Variants in SULT2B1 observed in about 807,000 individuals in gnomAD.
The protein encoded by SULT2B1 is sulfotransferase 2B1.
SULT2B1 carries 16 observed loss-of-function variants against 33.2 expected under a neutral mutation model. That is an observed-to-expected ratio of 0.48 (90% CI 0.33 to 0.73). SULT2B1 has a LOEUF of 0.73. SULT2B1 is among the 30% of genes least tolerant of loss of function. The probability of loss-of-function intolerance (pLI) is 0.02; values close to 1 mark genes in which losing one functional copy is unlikely to be tolerated. For synonymous variants in SULT2B1, 186 were observed against 200.5 expected, an observed-to-expected ratio of 0.93 and a Z score of 0.61; for missense variants, 500 against 506.0, an observed-to-expected ratio of 0.99 and a Z score of 0.11.
At chr19:48,575,908 C>G in intron 1 of SULT2B1, 33 bp from the exon 2 acceptor site, 1 of 1,595,884 alleles carries the variant, frequency 6.3e-7, no homozygotes, top group Non-Finnish European at 8.6e-7. Context: ...CCTCCCTACT[C>G]TCCCTCATGG....
At chr19:48,586,998 T>C (rs1032540615) in intron 2 of SULT2B1, among the ~76,000 whole-genome samples, 5 of 151,894 alleles carry the variant, frequency 3.3e-5, no homozygotes, top group African/African-American at 1.2e-4. Context: ...TAATGCTAGC[T>C]ACTCGGCTGA....
At chr19:48,582,120 G>T (rs1973499115) in intron 2 of SULT2B1, among the ~76,000 whole-genome samples, 1 of 151,042 alleles carries the variant, frequency 6.6e-6, no homozygotes, top group South Asian at 2.1e-4. Flanking sequence ...GGCCAGGCTG[G>T]TCTCGAACCC....
intron 5 of SULT2B1, among the ~76,000 whole-genome samples, chr19:48,594,581 A>C (rs895845610): frequency 6.6e-6 from 1 of 152,144 alleles, no homozygotes; most frequent in African/African-American, 2.4e-5. Context: ...GGCGCCGCCC[A>C]CATGTTAGAA....
At chr19:48,576,359 C>CTTTTCTTTTCTTTTTTTTTTTTTTT in intron 2 of SULT2B1, among the ~76,000 whole-genome samples, 1 of 96,716 alleles carries the variant, frequency 1.0e-5, no homozygotes, top group African/African-American at 4.3e-5. Context: ...CTCTACTTCT[C>CTTTTCTTTTCTTTTTTTTTTTTTTT]TTTTTTTTTT....
rs1480344294 is a variant in SULT2B1 at position 48,591,688 on chromosome 19, A to C, written c.503A>C (p.Asp168Ala). Reference protein sequence around the residue: ...HYSKIAGQLKDPGTPDQFLRD... With the variant: ...HYSKIAGQLKAPGTPDQFLRD... ...TCCAAGATCGCCGGGCAGTTAAAGGACCCGGGCACACCCGACCAGTTCCTG... is the reference window on the plus strand; with the variant it reads ...TCCAAGATCGCCGGGCAGTTAAAGGCCCCGGGCACACCCGACCAGTTCCTG... The change falls in exon 4 of 7, where the codon GAC becomes GCC. Residue 168 changes from aspartate (D) to alanine (A), a missense_variant. Transcript: ENST00000201586. The C allele has an allele frequency of 1.2e-6, 2 of 1,611,022 alleles. No homozygotes were observed. Among genetic ancestry groups the C allele is most frequent in the South Asian group, 1.1e-5 (1 of 90,736 alleles).
chr19:48,583,079 A>C lies in SULT2B1; in HGVS notation c.215-4150A>C, dbSNP rs949190250. Among the ~76,000 whole-genome samples, 14 of 148,794 alleles carry C rather than the reference A, an allele frequency of 9.4e-5. 1 individual carries two copies. Among genetic ancestry groups the C allele is most frequent in the Admixed American group, 3.3e-4 (5 of 15,022 alleles). The stretch of plus-strand genomic sequence containing the variant: ...GGCAGGAGAATCGCTTGAACCCTGG[A>C]GGTGGAGGTTGCAGTGAGCCGAGAT... On this transcript the variant is annotated intron_variant, in intron 2 of 6. Coordinates refer to ENST00000201586, the MANE Select transcript of SULT2B1 (RefSeq NM_177973.2).
At chr19:48,594,796 A>G (rs1230125894) in intron 5 of SULT2B1, among the ~76,000 whole-genome samples, 4 of 152,208 alleles carry the variant, frequency 2.6e-5, no homozygotes, top group African/African-American at 9.7e-5. Context: ...AGGCAGGCAG[A>G]TCACTTGAGG....
chr19:48,556,179 G>A (rs541922807), intron 1 of SULT2B1, among the ~76,000 whole-genome samples: 22 of 152,272 alleles, frequency 1.4e-4, no homozygotes, highest in African/African-American at 5.3e-4. Context: ...GATTCAACAC[G>A]GGCAATTTAG....
intron 5 of SULT2B1, among the ~76,000 whole-genome samples, chr19:48,593,408 C>T (rs570455990): frequency 2.4e-4 from 37 of 151,628 alleles, no homozygotes; most frequent in African/African-American, 8.5e-4. Flanking sequence ...AAAAATTAGC[C>T]GGGCACAGTG....
At position 48,587,093 on chromosome 19, in the gene SULT2B1, C is replaced by T. The variant is rs1973571562; in HGVS notation, c.215-136C>T. On this transcript the variant is annotated intron_variant, in intron 2 of 6. Coordinates refer to ENST00000201586, the MANE Select transcript of SULT2B1 (RefSeq NM_177973.2). Reference sequence around the variant, plus strand: ...CGCCATTGCACTCCAGCGTGGGCAACAGAGTAAGACTCTGTCTTAAAAAAA... The same window carrying T: ...CGCCATTGCACTCCAGCGTGGGCAATAGAGTAAGACTCTGTCTTAAAAAAA... The T allele has an allele frequency of 4.7e-6, 3 of 633,254 alleles. 1 individual carries two copies. The allele number at this position is 633,254 out of a possible 1,614,324, so 39.2% of individuals were successfully genotyped here.
At chr19:48,573,813 C>T (rs899472878) in intron 1 of SULT2B1, among the ~76,000 whole-genome samples, 2 of 152,102 alleles carry the variant, frequency 1.3e-5, no homozygotes, top group African/African-American at 4.8e-5. Context: ...GCAATGGAAG[C>T]TACAGCGGAG....
At chr19:48,568,769 G>A (rs942495517) in intron 1 of SULT2B1, among the ~76,000 whole-genome samples, 2 of 152,088 alleles carry the variant, frequency 1.3e-5, no homozygotes, top group South Asian at 2.1e-4. Context: ...CAGCGGCACC[G>A]CCAGGGCTGC....
intron 2 of SULT2B1, among the ~76,000 whole-genome samples, chr19:48,585,530 G>A (rs1459723743): frequency 1.3e-5 from 2 of 151,978 alleles, no homozygotes; most frequent in East Asian, 1.9e-4. Context: ...TTAGCCAGGC[G>A]TGGTGGTGCA....
intron 2 of SULT2B1, among the ~76,000 whole-genome samples, chr19:48,582,623 G>A (rs902765440): frequency 2.6e-5 from 4 of 152,012 alleles, no homozygotes; most frequent in Admixed American, 6.6e-5. Flanking sequence ...CGAGGCAGGC[G>A]GATCACTTGA....
intron 1 of SULT2B1, among the ~76,000 whole-genome samples, chr19:48,559,797 G>A (rs1374543079): frequency 6.6e-6 from 1 of 152,064 alleles, no homozygotes; most frequent in Non-Finnish European, 1.5e-5. Context: ...AAGGATCTGG[G>A]AAAGTGGGGA....
intron 1 of SULT2B1, among the ~76,000 whole-genome samples, chr19:48,553,926 C>T (rs530746775): frequency 6.6e-6 from 1 of 152,308 alleles, no homozygotes; most frequent in East Asian, 1.9e-4. Flanking sequence ...AGGGTTCCCG[C>T]CTCTGGGAAG....
At chr19:48,574,883 C>T (rs78291559) in intron 1 of SULT2B1, among the ~76,000 whole-genome samples, 83 of 152,192 alleles carry the variant, frequency 5.5e-4, no homozygotes, top group African/African-American at 1.9e-3. Context: ...TCACTAATTC[C>T]GCGCCCACGC....
In SULT2B1 at chr19:48,578,450, T is replaced by C. The variant is rs1180759844; in HGVS notation, c.214+2367T>C. Among the ~76,000 whole-genome samples, 3 of 151,970 alleles carry C rather than the reference T, an allele frequency of 2.0e-5. No homozygotes were observed. In the Middle Eastern group the frequency reaches 0.01, roughly 517 times the overall value. ...TACAAAAATTAGCCAGGCACGATAGTGTATGCCTGTAGTTCCAGCTACTTG... is the reference window on the plus strand; with the variant it reads ...TACAAAAATTAGCCAGGCACGATAGCGTATGCCTGTAGTTCCAGCTACTTG... On this transcript the variant is annotated intron_variant, in intron 2 of 6. Coordinates refer to ENST00000201586, the MANE Select transcript of SULT2B1 (RefSeq NM_177973.2).
chr19:48,563,685 G>A (rs968267831), intron 1 of SULT2B1, among the ~76,000 whole-genome samples: 3 of 151,806 alleles, frequency 2.0e-5, no homozygotes, highest in African/African-American at 4.8e-5. Context: ...AGGCTGGGGC[G>A]CAGGCACCGT....
Sources: gnomAD v4.1 joint callset for allele counts (sites outside exome capture counted in the v4.1 genomes callset) on GRCh38, gnomAD v4.1.1 for gene constraint, MANE v1.5 for transcripts, NCBI Gene and HGNC (gene_info 2026-07-23, HGNC 2026-07-21) for gene names.